Variants in PAK1 observed in about 807,000 individuals in gnomAD.
The protein encoded by PAK1 is p21 (RAC1) activated kinase 1.
Under a neutral mutation model 67.4 loss-of-function variants are expected in PAK1, and 29 were observed. The observed-to-expected ratio is 0.43, with a 90% confidence interval of 0.32 to 0.59. PAK1 has a LOEUF of 0.59. Ranked by LOEUF, PAK1 falls within the 20% of genes least tolerant of loss-of-function variation. The pLI, the probability that PAK1 is intolerant of heterozygous loss-of-function variation, is 0.07. For missense variants in PAK1, 337 were observed against 670.7 expected (o/e 0.50, Z 5.50); for synonymous variants, 223 against 237.4 (o/e 0.94, Z 0.56).
intron 1 of PAK1, among the ~76,000 whole-genome samples, chr11:77,406,686 G>A (rs1305238730): frequency 6.6e-6 from 1 of 152,232 alleles, no homozygotes; most frequent in East Asian, 1.9e-4. Flanking sequence ...GCTGAGGTGG[G>A]AGGATTGCTT....
intron 1 of PAK1, among the ~76,000 whole-genome samples, chr11:77,397,414 C>T (rs533936566): frequency 3.3e-5 from 5 of 152,146 alleles, no homozygotes; most frequent in Non-Finnish European, 7.4e-5. Context: ...AATTTATAAG[C>T]CATCGCCCCT....
chr11:77,451,225 A>C (rs937069730), intron 1 of PAK1, among the ~76,000 whole-genome samples: 5 of 152,202 alleles, frequency 3.3e-5, no homozygotes, highest in African/African-American at 1.2e-4. Flanking sequence ...CAGACGCAAG[A>C]AAGTATTCTC....
the PAK1 span, among the ~76,000 whole-genome samples, chr11:77,493,485 GT>G: frequency 7.8e-6 from 1 of 128,864 alleles, no homozygotes; most frequent in Non-Finnish European, 1.6e-5. Context: ...AGTAGAGACG[GT>G]TTCGCCATGT....
intron 5 of PAK1, among the ~76,000 whole-genome samples, chr11:77,371,950 G>A (rs991076411): frequency 2.0e-5 from 3 of 151,962 alleles, no homozygotes; most frequent in Non-Finnish European, 4.4e-5. Flanking sequence ...ATCTTTTTTT[G>A]TTCCTTGCCA....
chr11:77,463,621 C>T (rs1592572148), intron 1 of PAK1, among the ~76,000 whole-genome samples: 1 of 152,204 alleles, frequency 6.6e-6, no homozygotes, highest in Admixed American at 6.5e-5. Flanking sequence ...AGATACTATG[C>T]TAAAAGTGCT....
At chr11:77,467,102 TCTTCTG>T (rs1301457199) in intron 1 of PAK1, among the ~76,000 whole-genome samples, 1 of 152,138 alleles carries the variant, frequency 6.6e-6, no homozygotes, top group Non-Finnish European at 1.5e-5. Flanking sequence ...GGCTCTCAAA[TCTTCTG>T]CTCACATATT....
chr11:77,448,870 T>A (rs549520801), intron 1 of PAK1, among the ~76,000 whole-genome samples: 59 of 152,312 alleles, frequency 3.9e-4, no homozygotes, highest in African/African-American at 1.3e-3. Flanking sequence ...AGAAGAACAG[T>A]AATAAAATCA....
chr11:77,509,478 T>C, the PAK1 span, among the ~76,000 whole-genome samples: 1 of 152,182 alleles, frequency 6.6e-6, no homozygotes, highest in Non-Finnish European at 1.5e-5. Flanking sequence ...AGTATTCCAC[T>C]AGGAAATTTG....
intron 2 of PAK1, among the ~76,000 whole-genome samples, chr11:77,388,970 C>T (rs191664539): frequency 6.6e-6 from 1 of 152,276 alleles, no homozygotes; most frequent in Non-Finnish European, 1.5e-5. Context: ...GTGTAAAATT[C>T]AATGGCTTTT....
chr11:77,514,176 G>A, the PAK1 span, among the ~76,000 whole-genome samples: 4 of 152,172 alleles, frequency 2.6e-5, no homozygotes, highest in South Asian at 8.3e-4. Flanking sequence ...TAAGCTTCAG[G>A]ACAAATCATT....
the PAK1 span, among the ~76,000 whole-genome samples, chr11:77,485,187 G>A: frequency 1.3e-5 from 2 of 152,130 alleles, no homozygotes; most frequent in Non-Finnish European, 2.9e-5. Flanking sequence ...GTAGAGGTGG[G>A]GGTGAGGGGA....
chr11:77,462,229 G>T (rs190962315), intron 1 of PAK1, among the ~76,000 whole-genome samples: 17 of 152,192 alleles, frequency 1.1e-4, no homozygotes, highest in Admixed American at 2.6e-4. Context: ...TACTGGGGAG[G>T]CTGAGGCAGG....
intron 5 of PAK1, among the ~76,000 whole-genome samples, chr11:77,362,346 A>G (rs548527143): frequency 2.6e-5 from 4 of 152,288 alleles, no homozygotes; most frequent in African/African-American, 7.2e-5. Flanking sequence ...AATATACTTT[A>G]TGTACTTTTC....
intron 5 of PAK1, among the ~76,000 whole-genome samples, chr11:77,360,071 C>T (rs1946580056): frequency 6.6e-6 from 1 of 151,838 alleles, no homozygotes; most frequent in South Asian, 2.1e-4. Context: ...AGGATGAGAG[C>T]CCCTCCTGCC....
intron 4 of PAK1, among the ~76,000 whole-genome samples, chr11:77,377,145 C>T (rs1268886951): frequency 6.6e-6 from 1 of 151,950 alleles, no homozygotes; most frequent in Admixed American, 6.6e-5. Flanking sequence ...GGTGGTGGTG[C>T]ATGCCTGCAG....
intron 6 of PAK1, among the ~76,000 whole-genome samples, chr11:77,356,537 C>A (rs1946063940): frequency 6.6e-6 from 1 of 152,152 alleles, no homozygotes; most frequent in African/African-American, 2.4e-5. Flanking sequence ...GGTTACTTAA[C>A]TTCTCTGTGT....
chr11:77,349,336 T>C (rs1460514366), intron 8 of PAK1, 49 bp from the exon 9 acceptor site: 4 of 1,427,744 alleles, frequency 2.8e-6, no homozygotes, highest in Non-Finnish European at 3.9e-6. Context: ...CAGTGTTCAA[T>C]AAAGTGATAT....
chr11:77,399,933 A>G (rs1480813219), intron 1 of PAK1, among the ~76,000 whole-genome samples: 1 of 151,616 alleles, frequency 6.6e-6, no homozygotes, highest in East Asian at 1.9e-4. Context: ...GTCAATATAT[A>G]ATGGATATGA....
the PAK1 span, among the ~76,000 whole-genome samples, chr11:77,481,539 G>T: frequency 1.4e-4 from 21 of 152,076 alleles, no homozygotes; most frequent in African/African-American, 5.1e-4. Context: ...GCCAGGTGTG[G>T]TAGCATGTGC....
Sources: gnomAD v4.1 joint callset for allele counts (sites outside exome capture counted in the v4.1 genomes callset) on GRCh38, gnomAD v4.1.1 for gene constraint, MANE v1.5 for transcripts, NCBI Gene and HGNC (gene_info 2026-07-23, HGNC 2026-07-21) for gene names.